The following COL6A5 variants were observed in gnomAD, a reference collection of about 807,000 sequenced individuals.
The protein encoded by COL6A5 is collagen type VI alpha 5 chain, also known as collagen alpha-5(VI) chain.
In COL6A5, 48 loss-of-function variants were observed where a neutral mutation model predicts 65.6. The ratio of observed to expected loss-of-function variants is 0.73; its 90% CI spans 0.58 to 0.93. The LOEUF is 0.93. Among genes scored for constraint, COL6A5 ranks in the 40% least tolerant of loss-of-function variants. COL6A5 has a pLI of 0.00. For missense variants in COL6A5, 914 were observed against 928.3 expected, an observed-to-expected ratio of 0.98 and a Z score of 0.20; for synonymous variants, 291 against 322.8, an observed-to-expected ratio of 0.90 and a Z score of 1.05.
At chr3:130,468,933 T>C (rs1202503122) in exon 6 of COL6A5, 3 of 1,612,518 alleles carry the variant, frequency 1.9e-6, no homozygotes, top group Non-Finnish European at 2.5e-6. Context: ...TTTAAGGAAG[T>C]AAAAGCTTTT....
At chr3:130,366,523 T>C (rs1935347427) in intron 1 of COL6A5, among the ~76,000 whole-genome samples, 1 of 152,238 alleles carries the variant, frequency 6.6e-6, no homozygotes, top group African/African-American at 2.4e-5. Flanking sequence ...TCTTGTTTTA[T>C]AGATTACAGA....
intron 22 of COL6A5, 46 bp from the exon 23 acceptor site, chr3:130,415,599 C>A: frequency 6.7e-7 from 1 of 1,503,642 alleles, no homozygotes; most frequent in Non-Finnish European, 9.0e-7. Flanking sequence ...GAGAAGTAAG[C>A]TTTCATTGAC....
chr3:130,440,775 A>G (rs1335038668), exon 3 of COL6A5: 2 of 1,613,150 alleles, frequency 1.2e-6, no homozygotes, highest in Non-Finnish European at 1.7e-6. Context: ...CATAAACCAG[A>G]TCTGAATTAT....
rs775750814 is a variant in COL6A5, at chr3:130,426,203, GTT to G, written c.5164-7_5164-6del. ...CATACCACTAACTTGCTCTGTTTTTGTTTTTCCTAGGGCATTAAAGGCATGGC... is the reference window on the plus strand; with the variant it reads ...CATACCACTAACTTGCTCTGTTTTTGTTTCCTAGGGCATTAAAGGCATGGC... On this transcript the variant is annotated splice_polypyrimidine_tract_variant and intron_variant and NMD_transcript_variant, in intron 29 of 41. Coordinates refer to the COL6A5 transcript ENST00000312481. The G allele has an allele frequency of 2.0e-5, 31 of 1,550,652 alleles. No homozygotes were observed. The Admixed American group carries it at 3.1e-4, about 16-fold the overall frequency.
At chr3:130,391,731 G>T (rs1313193749) in exon 7 of COL6A5, 1 of 1,550,492 alleles carries the variant, frequency 6.4e-7, no homozygotes, top group Non-Finnish European at 8.7e-7. Context: ...GTTCAAGAAC[G>T]TATGTGTACT....
At chr3:130,392,025 G>T (rs1019329677) in intron 7 of COL6A5, among the ~76,000 whole-genome samples, 1 of 152,180 alleles carries the variant, frequency 6.6e-6, no homozygotes, top group Non-Finnish European at 1.5e-5. Flanking sequence ...TTTTCTGGCA[G>T]AAAGGAATTC....
exon 2 of COL6A5, chr3:130,439,613 A>G (rs563707940): frequency 3.9e-6 from 6 of 1,549,428 alleles, no homozygotes; most frequent in South Asian, 1.2e-5. Flanking sequence ...GCACTTTGCT[A>G]TGGTAAGACC....
chr3:130,397,333 AGAAAACCCCTGT>A (rs1936636857), intron 8 of COL6A5, among the ~76,000 whole-genome samples: 1 of 152,122 alleles, frequency 6.6e-6, no homozygotes, highest in Non-Finnish European at 1.5e-5. Flanking sequence ...AAGGGGACAG[AGAAAACCCCTGT>A]GATATATGTT....
At chr3:130,387,850 AATAG>A (rs1249903761) in intron 5 of COL6A5, among the ~76,000 whole-genome samples, 2 of 151,964 alleles carry the variant, frequency 1.3e-5, no homozygotes, top group Non-Finnish European at 2.9e-5. Context: ...TATTGTTTTT[AATAG>A]ATTATAGAAA....
At chr3:130,359,719 T>A (rs1451573859) in intron 1 of COL6A5, among the ~76,000 whole-genome samples, 3 of 152,108 alleles carry the variant, frequency 2.0e-5, no homozygotes, top group Non-Finnish European at 4.4e-5. Context: ...TCTGCAGTCA[T>A]GCTTGTTTGT....
chr3:130,469,224 A>T, exon 6 of COL6A5: 2 of 1,613,282 alleles, frequency 1.2e-6, no homozygotes, highest in South Asian at 2.2e-5. Flanking sequence ...CTGAGGAAAA[A>T]CAAAGTTATC....
intron 5 of COL6A5, among the ~76,000 whole-genome samples, chr3:130,467,389 A>G (rs963894813): frequency 6.6e-6 from 1 of 151,982 alleles, no homozygotes; most frequent in Non-Finnish European, 1.5e-5. Context: ...ACAATAATTT[A>G]TTGCATATTT....
At chr3:130,348,093 C>T (rs1388603276) in intron 1 of COL6A5, among the ~76,000 whole-genome samples, 1 of 152,120 alleles carries the variant, frequency 6.6e-6, no homozygotes, top group African/African-American at 2.4e-5. Flanking sequence ...TGCCATTCTC[C>T]AAGGAACCAT....
At chr3:130,439,529 A>G (rs1356073465) in exon 2 of COL6A5, 1 of 1,549,776 alleles carries the variant, frequency 6.5e-7, no homozygotes, top group South Asian at 1.2e-5. Context: ...CAGTTTGACA[A>G]CACTGGAACA....
intron 20 of COL6A5, 141 bp from the exon 21 acceptor site, chr3:130,413,404 C>A (rs920432676): frequency 5.7e-5 from 42 of 733,456 alleles, no homozygotes; most frequent in African/African-American, 8.8e-5. Context: ...GAAAGCTTGT[C>A]TATGGAAAAT....
rs777962486 is a variant in COL6A5 at position 130,397,960 on chromosome 3, C to T, written c.3909+37C>T. 6.5e-6 allele frequency: 10 copies of T among 1,543,606 alleles called. No individual in the cohort carries two copies. The East Asian group carries it at 9.8e-5, about 15-fold the overall frequency. On this transcript the variant is annotated intron_variant and NMD_transcript_variant, in intron 9 of 41. Coordinates refer to the COL6A5 transcript ENST00000312481. Reference sequence around the variant, plus strand: ...ACATTCTATCTCCCATCTCCACATTCTCCCATTTGTTCTTCATTCCCCAAT... The same window carrying T: ...ACATTCTATCTCCCATCTCCACATTTTCCCATTTGTTCTTCATTCCCCAAT...
At chr3:130,451,800 A>G (rs2661941) in intron 4 of COL6A5, among the ~76,000 whole-genome samples, 152,183 of 152,210 alleles carry the variant, frequency 1, 76,078 homozygotes, top group Middle Eastern at 1. Flanking sequence ...AGGCTGTGCC[A>G]GAGAGGAAGG....
At chr3:130,354,418 A>G (rs1187560292) in intron 1 of COL6A5, among the ~76,000 whole-genome samples, 1 of 152,180 alleles carries the variant, frequency 6.6e-6, no homozygotes, top group Non-Finnish European at 1.5e-5. Context: ...AATGTCAGAT[A>G]CATCATTGGG....
intron 20 of COL6A5, among the ~76,000 whole-genome samples, chr3:130,411,356 G>T (rs1185901329): frequency 6.6e-6 from 1 of 152,162 alleles, no homozygotes; most frequent in Non-Finnish European, 1.5e-5. Context: ...TGTTCAAGAA[G>T]GAATTGAAAA....
Sources: gnomAD v4.1 joint callset for allele counts (sites outside exome capture counted in the v4.1 genomes callset) on GRCh38, gnomAD v4.1.1 for gene constraint, MANE v1.5 for transcripts, NCBI Gene and HGNC (gene_info 2026-07-23, HGNC 2026-07-21) for gene names.